Variants in SPATA6 observed in about 807,000 individuals in gnomAD.
SPATA6 encodes the protein spermatogenesis associated 6.
Under a neutral mutation model 65.3 loss-of-function variants are expected in SPATA6, and 56 were observed. The ratio of observed to expected loss-of-function variants is 0.86; its 90% confidence interval spans 0.69 to 1.07. The LOEUF (loss-of-function observed/expected upper bound fraction) is 1.07. SPATA6 is among the 50% of genes least tolerant of loss of function. The pLI, the probability that SPATA6 is intolerant of heterozygous loss-of-function variation, is 0.00. For synonymous variants in SPATA6, 199 were observed against 213.2 expected, an observed-to-expected ratio of 0.93 and a Z score of 0.58; for missense variants, 590 against 594.8, an observed-to-expected ratio of 0.99 and a Z score of 0.08.
At chr1:48,377,533 A>G (rs1196156272) in intron 9 of SPATA6, among the ~76,000 whole-genome samples, 1 of 152,146 alleles carries the variant, frequency 6.6e-6, no homozygotes, top group African/African-American at 2.4e-5. Flanking sequence ...AACCAGGTCA[A>G]ACCATCTCAG....
intron 11 of SPATA6, among the ~76,000 whole-genome samples, chr1:48,318,356 A>T (rs1645501059): frequency 6.6e-6 from 1 of 152,168 alleles, no homozygotes; most frequent in Admixed American, 6.5e-5. Context: ...TGCAGATAAG[A>T]TGATTCTGTA....
intron 6 of SPATA6, among the ~76,000 whole-genome samples, chr1:48,403,188 C>T (rs1435702021): frequency 6.6e-6 from 1 of 151,936 alleles, no homozygotes; most frequent in Non-Finnish European, 1.5e-5. Context: ...AAAGGAAAAA[C>T]AAGAAGTCAG....
intron 5 of SPATA6, among the ~76,000 whole-genome samples, chr1:48,408,251 G>A (rs1651889268): frequency 6.6e-6 from 1 of 152,136 alleles, no homozygotes; most frequent in South Asian, 2.1e-4. Context: ...TAGTTTTAAA[G>A]GTCTATCCAA....
chr1:48,395,397 T>A (rs760968261), intron 7 of SPATA6, 43 bp from the exon 8 acceptor site: 1 of 1,382,634 alleles, frequency 7.2e-7, no homozygotes, highest in Admixed American at 2.6e-5. Flanking sequence ...GTTTAAACAT[T>A]CCTAGACTTT....
chr1:48,383,181 T>TG (rs1648960248), intron 9 of SPATA6, among the ~76,000 whole-genome samples: 1 of 77,640 alleles, frequency 1.3e-5, no homozygotes, highest in Non-Finnish European at 3.0e-5. Context: ...GGCGGGGGGC[T>TG]GACCCCCCCA....
chr1:48,442,717 T>TAAAAAAAAAAAAAAA (rs71056669), intron 3 of SPATA6, among the ~76,000 whole-genome samples: 3 of 46,218 alleles, frequency 6.5e-5, no homozygotes, highest in African/African-American at 2.7e-4. Context: ...ATGGAAGTAG[T>TAAAAAAAAAAAAAAA]AAAAAAAAAA....
chr1:48,326,372 A>C (rs1645759965), intron 11 of SPATA6, among the ~76,000 whole-genome samples: 1 of 152,150 alleles, frequency 6.6e-6, no homozygotes, highest in South Asian at 2.1e-4. Context: ...CAAATGGAAA[A>C]ACATCCCATG....
At chr1:48,440,008 A>G (rs1225885159) in intron 3 of SPATA6, among the ~76,000 whole-genome samples, 1 of 152,142 alleles carries the variant, frequency 6.6e-6, no homozygotes, top group African/African-American at 2.4e-5. Context: ...ATCCACAACT[A>G]TGCAAAGCTT....
chr1:48,380,521 C>G (rs986725442), intron 9 of SPATA6, among the ~76,000 whole-genome samples: 3 of 152,186 alleles, frequency 2.0e-5, no homozygotes, highest in African/African-American at 7.2e-5. Context: ...CAACTTATAG[C>G]AGGATTATAG....
chr1:48,440,166 CCT>C (rs1655325906), intron 3 of SPATA6, among the ~76,000 whole-genome samples: 1 of 152,004 alleles, frequency 6.6e-6, no homozygotes, highest in African/African-American at 2.4e-5. Flanking sequence ...CCACAAAAAC[CCT>C]CTGGCTATCG....
intron 3 of SPATA6, among the ~76,000 whole-genome samples, chr1:48,428,976 A>G (rs1177489062): frequency 6.6e-6 from 1 of 151,758 alleles, no homozygotes; most frequent in African/African-American, 2.4e-5. Flanking sequence ...AAGGTTTGCA[A>G]CTTCCAGGGG....
rs776581951 is a variant in SPATA6, at chr1:48,451,532, T to C, written c.238+20A>G. 6.3e-7 allele frequency: 1 copy of C among 1,597,964 alleles called. No individual in the cohort carries two copies. The highest frequency in any genetic ancestry group is 1.2e-5 in the South Asian group (1 of 86,918). On this transcript the variant is annotated intron_variant, in intron 3 of 12. Coordinates refer to ENST00000371847, the MANE Select transcript of SPATA6 (RefSeq NM_019073.4). ...CCTAAAATGTCTTAGAATCAGGAAT[T>C]AAAAAGTTAAAAAACTTACATTCAA...
At chr1:48,436,481 T>A in intron 3 of SPATA6, 1 of 1,609,112 alleles carries the variant, frequency 6.2e-7, no homozygotes, top group South Asian at 1.1e-5. Flanking sequence ...GTGAGAGGGT[T>A]GAACTATCTG....
chr1:48,302,634 T>C (rs1644967517), intron 12 of SPATA6, among the ~76,000 whole-genome samples: 1 of 152,188 alleles, frequency 6.6e-6, no homozygotes, highest in South Asian at 2.1e-4. Flanking sequence ...AGTTTATAAT[T>C]CTGCCCTGGA....
intron 9 of SPATA6, among the ~76,000 whole-genome samples, chr1:48,367,667 C>T (rs1318930076): frequency 6.6e-6 from 1 of 152,066 alleles, no homozygotes; most frequent in East Asian, 1.9e-4. Context: ...TCCTCCATCC[C>T]TTTATTTTGA....
At position 48,298,474 on chromosome 1, in the gene SPATA6, G is replaced by A; in HGVS notation, c.*239C>T. The A allele has an allele frequency of 2.9e-6, 1 of 350,660 alleles. No homozygotes were observed. The highest frequency in any genetic ancestry group is 2.1e-5 in the African/African-American group (1 of 47,878). The allele number at this position is 350,660 out of a possible 1,614,324, so 21.7% of individuals were successfully genotyped here. On this transcript the variant is annotated 3_prime_UTR_variant, in exon 13 of 13. Coordinates refer to ENST00000371847, the MANE Select transcript of SPATA6 (RefSeq NM_019073.4). ...AGAATATCCTTGTCACATATTGGAA[G>A]TTGTGATTGTGTGACAGAGCTCTAA...
rs187919217 is a variant in SPATA6 at position 48,435,703 on chromosome 1, G to C, written c.238+15849C>G. Among the ~76,000 whole-genome samples the C allele has an allele frequency of 8.9e-4, 136 of 152,308 alleles. 1 individual carries two copies. Among genetic ancestry groups the C allele is most frequent in the African/African-American group, 3.1e-3 (130 of 41,574 alleles). The stretch of plus-strand genomic sequence containing the variant: ...TCAGCACTCTGTAAAAACGCACCGA[G>C]AGTTCCAAGCCCACGGCCCCGGTCG... On this transcript the variant is annotated intron_variant, in intron 3 of 12. Transcript: ENST00000371847.
chr1:48,337,933 C>A (rs2063712), intron 11 of SPATA6, among the ~76,000 whole-genome samples: 23,995 of 151,858 alleles, frequency 0.16, 2,318 homozygotes, highest in Admixed American at 0.26. Flanking sequence ...TAGTCTCAAT[C>A]AAAAACTCAG....
chr1:48,437,549 C>T (rs993816145), intron 3 of SPATA6, among the ~76,000 whole-genome samples: 7 of 152,084 alleles, frequency 4.6e-5, no homozygotes, highest in Non-Finnish European at 8.8e-5. Flanking sequence ...TTTGCTGTTC[C>T]TTGGGAATGA....
Sources: allele counts gnomAD v4.1 joint callset (sites outside exome capture counted in the v4.1 genomes callset), GRCh38; gene constraint gnomAD v4.1.1; transcripts MANE v1.5; gene names NCBI Gene and HGNC (gene_info 2026-07-23, HGNC 2026-07-21).